Variants in TG observed in about 807,000 individuals in gnomAD.
TG encodes the protein thyroglobulin.
Under a neutral mutation model 324.7 loss-of-function variants are expected in TG, and 270 were observed. The ratio of observed to expected loss-of-function variants is 0.83; its 90% CI spans 0.75 to 0.92. The LOEUF (loss-of-function observed/expected upper bound fraction) is 0.92. Ranked by LOEUF, TG falls within the 40% of genes least tolerant of loss-of-function variation. The probability of loss-of-function intolerance (pLI) is 0.00; values close to 1 mark genes in which losing one functional copy is unlikely to be tolerated. For synonymous variants in TG, 1,401 were observed against 1,327.0 expected, an observed-to-expected ratio of 1.06 and a Z score of -1.21; for missense variants, 3,591 against 3,456.4, an observed-to-expected ratio of 1.04 and a Z score of -0.98.
chr8:132,969,574 GC>G lies in TG; in HGVS notation c.5975+6del. On this transcript the variant is annotated splice_donor_region_variant and intron_variant, in intron 32 of 47. Coordinates refer to ENST00000220616, the MANE Select transcript of TG (RefSeq NM_003235.5). ...TGAAAAATCTATTTCTAATGGGTAA[GC>G]TACTTGTGTCTCACCCCTAATGTTT... The G allele has an allele frequency of 6.5e-7, 1 of 1,541,636 alleles. No individual in the cohort carries two copies. Among genetic ancestry groups the G allele is most frequent in the Non-Finnish European group, 9.0e-7 (1 of 1,114,168 alleles).
intron 41 of TG, among the ~76,000 whole-genome samples, chr8:133,046,257 C>T (rs2131164622): frequency 6.6e-6 from 1 of 152,332 alleles, no homozygotes; most frequent in African/African-American, 2.4e-5. Flanking sequence ...CAGGGCTAAG[C>T]AATTGCCATG....
intron 41 of TG, among the ~76,000 whole-genome samples, chr8:133,077,077 G>A (rs1276815851): frequency 1.3e-5 from 2 of 152,156 alleles, no homozygotes; most frequent in East Asian, 3.9e-4. Context: ...GTCGTGGGGT[G>A]GATGGGCTCT....
At chr8:133,096,804 C>T (rs2131647877) in intron 43 of TG, among the ~76,000 whole-genome samples, 1 of 152,274 alleles carries the variant, frequency 6.6e-6, no homozygotes, top group South Asian at 2.1e-4. Flanking sequence ...ACCAGGCTTC[C>T]AAGTTAAATT....
intron 35 of TG, chr8:133,002,267 G>A: frequency 1.0e-6 from 1 of 985,426 alleles, no homozygotes; most frequent in African/African-American, 1.7e-5. Context: ...TGGGGTGCAT[G>A]CAGCTCTATA....
At chr8:133,000,217 C>T (rs141673685) in intron 35 of TG, among the ~76,000 whole-genome samples, 2,178 of 152,268 alleles carry the variant, frequency 0.014, 41 homozygotes, top group Non-Finnish European at 0.022. Context: ...AGCCTTCAGC[C>T]TGTGCCCAGA....
intron 16 of TG, among the ~76,000 whole-genome samples, chr8:132,906,062 G>T (rs1818632376): frequency 6.6e-6 from 1 of 151,798 alleles, no homozygotes; most frequent in Non-Finnish European, 1.5e-5. Flanking sequence ...CAGCAGTGGG[G>T]ACTGAGTGGG....
At chr8:132,984,327 G>A (rs1335853124) in intron 35 of TG, among the ~76,000 whole-genome samples, 1 of 152,206 alleles carries the variant, frequency 6.6e-6, no homozygotes, top group African/African-American at 2.4e-5. Context: ...ACTCATATAT[G>A]TTATTAGTTT....
intron 41 of TG, among the ~76,000 whole-genome samples, chr8:133,083,041 G>A (rs1045535707): frequency 3.3e-5 from 5 of 152,212 alleles, no homozygotes; most frequent in South Asian, 2.1e-4. Context: ...GAGGGAGAGC[G>A]ATGAGTAGGC....
chr8:132,968,011 G>C lies in TG; in HGVS notation c.5863+41G>C, dbSNP rs374872841. 4 of 1,605,364 alleles carry C rather than the reference G, an allele frequency of 2.5e-6. No homozygotes were observed. In the African/African-American group the frequency reaches 5.3e-5, roughly 21 times the overall value. ...GATCTGCATAAACTGTATTTCCAAT[G>C]TTCTGCTGGCTCTGTGGTTTTAGAA... On this transcript the variant is annotated intron_variant, in intron 31 of 47. Transcript: ENST00000220616.
chr8:133,016,204 G>T (rs1248124529), intron 37 of TG, among the ~76,000 whole-genome samples: 1 of 152,136 alleles, frequency 6.6e-6, no homozygotes, highest in African/African-American at 2.4e-5. Context: ...CCATGGTGAC[G>T]CTCAGTGACC....
intron 40 of TG, among the ~76,000 whole-genome samples, chr8:133,022,908 G>C (rs563323007): frequency 6.6e-6 from 1 of 152,328 alleles, no homozygotes; most frequent in African/African-American, 2.4e-5. Flanking sequence ...TCTCAGTCTT[G>C]TCCTCGGTAA....
chr8:132,918,530 C>A lies in TG; in HGVS notation c.4379-846C>A, dbSNP rs556842819. Among the ~76,000 whole-genome samples the A allele has an allele frequency of 2.0e-5, 3 of 152,292 alleles. No individual in the cohort carries two copies. The East Asian group carries it at 5.8e-4, about 29-fold the overall frequency. ...AATTTACTCAGAAATGCCAACTACA[C>A]ACGTAGACCAGAGACAGTAGTTGCT... On this transcript the variant is annotated intron_variant, in intron 20 of 47. Coordinates refer to ENST00000220616, the MANE Select transcript of TG (RefSeq NM_003235.5).
rs777818583 is a variant in TG, at chr8:132,901,532, G to T, written c.3613G>T (p.Gly1205Trp). The T allele has an allele frequency of 6.2e-7, 1 of 1,613,312 alleles. No individual in the cohort carries two copies. Among genetic ancestry groups the T allele is most frequent in the Admixed American group, 1.7e-5 (1 of 60,024 alleles). The change falls in exon 16 of 48, where the codon GGG becomes TGG. Residue 1205 changes from glycine (G) to tryptophan (W), a missense_variant. Coordinates refer to ENST00000220616, the MANE Select transcript of TG (RefSeq NM_003235.5). ...GEEVPGTRVTGGQPACESPRC... is the reference protein window; with the variant it reads ...GEEVPGTRVTWGQPACESPRC... ...AGAGGTGCCTGGGACGCGCGTGACC[G>T]GGGGCCAGCCCGCCTGTGAGAGTAA...
chr8:132,888,847 T>G (rs768987127), intron 10 of TG, among the ~76,000 whole-genome samples: 3 of 152,202 alleles, frequency 2.0e-5, no homozygotes, highest in Non-Finnish European at 2.9e-5. Context: ...ATGTCTTCTG[T>G]GTGCAAGCAT....
intron 41 of TG, among the ~76,000 whole-genome samples, chr8:133,065,838 C>A (rs1300928071): frequency 6.6e-6 from 1 of 152,054 alleles, no homozygotes; most frequent in Non-Finnish European, 1.5e-5. Flanking sequence ...CCTTAGGAAG[C>A]ATAAACTTTG....
chr8:132,959,423 C>G (rs1372847932), intron 27 of TG, among the ~76,000 whole-genome samples: 1 of 152,094 alleles, frequency 6.6e-6, no homozygotes, highest in East Asian at 1.9e-4. Flanking sequence ...ATAATAGAAA[C>G]CTGATACATA....
chr8:132,987,197 G>A (rs907832943), intron 35 of TG, among the ~76,000 whole-genome samples: 5 of 152,180 alleles, frequency 3.3e-5, no homozygotes, highest in African/African-American at 9.7e-5. Context: ...TGATTTAAAA[G>A]CATAGAAATG....
At chr8:132,989,853 G>A (rs1316393460) in intron 35 of TG, among the ~76,000 whole-genome samples, 2 of 152,212 alleles carry the variant, frequency 1.3e-5, no homozygotes, top group Non-Finnish European at 2.9e-5. Flanking sequence ...GGTGCAGCAC[G>A]TGGGCTTTGA....
At chr8:132,968,078 A>G (rs1828892928) in intron 31 of TG, 108 bp downstream of exon 31, 1 of 1,345,002 alleles carries the variant, frequency 7.4e-7, no homozygotes, top group Non-Finnish European at 1.0e-6. Context: ...TTTTCTTTAT[A>G]CTTTTATTGG....
Sources: allele counts gnomAD v4.1 joint callset (sites outside exome capture counted in the v4.1 genomes callset), GRCh38; gene constraint gnomAD v4.1.1; transcripts MANE v1.5; gene names NCBI Gene and HGNC (gene_info 2026-07-23, HGNC 2026-07-21).